Variants in PKHD1 observed in about 807,000 individuals in gnomAD.
PKHD1 encodes the protein fibrocystin.
In PKHD1, 291 loss-of-function variants were observed where a neutral mutation model predicts 412.0. The ratio of observed to expected loss-of-function variants is 0.71; its 90% CI spans 0.64 to 0.78. The LOEUF (loss-of-function observed/expected upper bound fraction) is 0.78. Among genes scored for constraint, PKHD1 ranks in the 30% least tolerant of loss-of-function variants. PKHD1 has a pLI of 0.00. For missense variants in PKHD1, 4,825 were observed against 4,950.7 expected, an observed-to-expected ratio of 0.97 and a Z score of 0.76; for synonymous variants, 1,777 against 1,821.5, an observed-to-expected ratio of 0.98 and a Z score of 0.62.
chr6:52,070,550 C>T (rs1277390928), intron 9 of PKHD1, 105 bp from the exon 10 acceptor site: 1 of 804,126 alleles, frequency 1.2e-6, no homozygotes, highest in African/African-American at 1.7e-5. Flanking sequence ...CAAATTACCA[C>T]CCAAACCTGT....
intron 60 of PKHD1, chr6:51,721,138 G>C (rs753805402): frequency 2.8e-5 from 27 of 965,128 alleles, no homozygotes; most frequent in Non-Finnish European, 3.1e-5. Context: ...TTCCAATAAT[G>C]GAACACTGGG....
At chr6:52,028,097 A>T in intron 30 of PKHD1, 59 bp downstream of exon 30, 1 of 1,497,720 alleles carries the variant, frequency 6.7e-7, no homozygotes, top group Non-Finnish European at 9.3e-7. Flanking sequence ...AATTAGAATT[A>T]CCTAGCTGAA....
intron 14 of PKHD1, 62 bp from the exon 15 acceptor site, chr6:52,060,104 A>C: frequency 1.2e-6 from 1 of 855,292 alleles, no homozygotes; most frequent in Non-Finnish European, 2.0e-6. Flanking sequence ...GAACCAACAA[A>C]TGACTGCCCT....
chr6:52,060,068 C>A, intron 14 of PKHD1, 26 bp from the exon 15 acceptor site: 2 of 1,230,048 alleles, frequency 1.6e-6, no homozygotes, highest in African/African-American at 1.5e-5. Context: ...TAGAGTCAAG[C>A]AAGAGTAACC....
intron 49 of PKHD1, among the ~76,000 whole-genome samples, chr6:51,850,709 T>C (rs142065154): frequency 6.6e-6 from 1 of 152,204 alleles, no homozygotes; most frequent in Non-Finnish European, 1.5e-5. Flanking sequence ...ATTGTTGGTG[T>C]AAAGGAATGC....
intron 60 of PKHD1, among the ~76,000 whole-genome samples, chr6:51,718,612 C>T (rs1781544847): frequency 6.6e-6 from 1 of 152,116 alleles, no homozygotes; most frequent in Non-Finnish European, 1.5e-5. Flanking sequence ...GATTATACCA[C>T]TATACTATGT....
At chr6:51,663,895 A>G (rs1393304747) in intron 60 of PKHD1, among the ~76,000 whole-genome samples, 1 of 152,164 alleles carries the variant, frequency 6.6e-6, no homozygotes, top group African/African-American at 2.4e-5. Context: ...CTGCTATTGT[A>G]TCTCATAGTT....
chr6:51,635,916 C>A (rs1768507721), intron 64 of PKHD1, among the ~76,000 whole-genome samples: 1 of 144,866 alleles, frequency 6.9e-6, no homozygotes, highest in Non-Finnish European at 1.5e-5. Flanking sequence ...ACATTAATCT[C>A]TTCTCAGCAG....
intron 52 of PKHD1, among the ~76,000 whole-genome samples, chr6:51,822,617 G>A (rs1389805164): frequency 6.6e-6 from 1 of 152,084 alleles, no homozygotes; most frequent in Non-Finnish European, 1.5e-5. Context: ...TTACCAAATT[G>A]CAATCCAGAT....
At chr6:51,720,222 A>G (rs1781741109) in intron 60 of PKHD1, among the ~76,000 whole-genome samples, 1 of 152,210 alleles carries the variant, frequency 6.6e-6, no homozygotes, top group African/African-American at 2.4e-5. Context: ...AGAACTGCTA[A>G]TTCAGCTCTC....
intron 11 of PKHD1, among the ~76,000 whole-genome samples, chr6:52,067,964 G>A (rs1277516559): frequency 6.6e-6 from 1 of 152,152 alleles, no homozygotes. Context: ...ACTGCAGCAT[G>A]TAACACAAGA....
At chr6:52,028,457 A>G in intron 29 of PKHD1, 106 bp from the exon 30 acceptor site, 1 of 1,004,336 alleles carries the variant, frequency 1.0e-6, no homozygotes, top group Admixed American at 1.9e-5. Flanking sequence ...AGTCACCCCT[A>G]TGCATAATAC....
rs1057516201 is a variant in PKHD1 at position 51,748,665 on chromosome 6, C to T, written c.8951G>A (p.Gly2984Asp). 8.7e-6 allele frequency: 14 copies of T among 1,613,320 alleles called. No homozygotes were observed. The highest frequency in any genetic ancestry group is 1.2e-5 in the Non-Finnish European group (14 of 1,179,596). The change falls in exon 58 of 67, where the codon GGT (glycine) becomes GAT (aspartate). Residue 2984 changes from glycine to aspartate, a missense_variant and splice_region_variant. Physicochemically the swap from Gly to Asp is moderately conservative, Grantham distance 94. Transcript: ENST00000371117. ...FRKSSREEFS[G>D]VLQLLNVEIQ... is the part of the protein sequence containing the mutation. ...TTCCACATTAAGAAGTTGAAGGACA[C>T]CTATAAACAAATGCATGTCATCAGG... is the stretch of plus-strand genomic sequence containing the variant.
intron 16 of PKHD1, among the ~76,000 whole-genome samples, 169 bp downstream of exon 16, chr6:52,058,154 T>A (rs1181118923): frequency 6.6e-6 from 1 of 152,200 alleles, no homozygotes; most frequent in African/African-American, 2.4e-5. Flanking sequence ...GAATAAGACA[T>A]CACATTTTTG....
rs1042054004 is a variant in PKHD1 at position 52,050,299 on chromosome 6, G to C, written c.2141-4C>G. ...GTTCCAGAATCAGCTTGAGAAACTA[G>C]AGACCAGTGATCCAATTACTATCAA... On this transcript the variant is annotated splice_polypyrimidine_tract_variant and splice_region_variant and intron_variant, in intron 21 of 66. Transcript: ENST00000371117. 15 of 1,613,952 alleles carry C rather than the reference G, an allele frequency of 9.3e-6. No individual in the cohort carries two copies. The highest frequency in any genetic ancestry group is 1.6e-4 in the Middle Eastern group (1 of 6,084).
At chr6:51,814,012 T>C (rs1765080083) in intron 52 of PKHD1, among the ~76,000 whole-genome samples, 1 of 152,184 alleles carries the variant, frequency 6.6e-6, no homozygotes, top group African/African-American at 2.4e-5. Flanking sequence ...CCATACTTAA[T>C]GTATAAAAGC....
chr6:51,999,779 A>G (rs1403416649), intron 35 of PKHD1, among the ~76,000 whole-genome samples: 4 of 152,232 alleles, frequency 2.6e-5, no homozygotes, highest in African/African-American at 9.6e-5. Context: ...AACATATTAG[A>G]GCTTTCAGCA....
intron 61 of PKHD1, among the ~76,000 whole-genome samples, chr6:51,653,876 ATAAATC>A (rs888385192): frequency 1.3e-5 from 2 of 152,194 alleles, no homozygotes; most frequent in African/African-American, 4.8e-5. Flanking sequence ...AGATTTTATA[ATAAATC>A]TAGCATGAGT....
chr6:51,971,668 A>G lies in PKHD1; in HGVS notation c.5752-11642T>C, dbSNP rs1793681369. On this transcript the variant is annotated intron_variant, in intron 35 of 66. Transcript: ENST00000371117. ...CAGGATATGTGTGCTTAGGGGGATA[A>G]CGAAGTTTTTTGTTTGTTTTTTGGG... is the stretch of plus-strand genomic sequence containing the variant. 2.0e-5 allele frequency among the ~76,000 whole-genome samples: 3 copies of G among 151,962 alleles called. No individual in the cohort carries two copies. In the South Asian group the frequency reaches 6.2e-4, roughly 32 times the overall value.
Sources: gnomAD v4.1 joint callset for allele counts (sites outside exome capture counted in the v4.1 genomes callset) on GRCh38, gnomAD v4.1.1 for gene constraint, MANE v1.5 for transcripts, NCBI Gene and HGNC (gene_info 2026-07-23, HGNC 2026-07-21) for gene names.